BTAF1: variants seen among roughly 807,000 people sequenced by gnomAD.
BTAF1 encodes the protein B-TFIID TATA-box binding protein associated factor 1.
BTAF1 carries 38 observed loss-of-function variants against 227.1 expected under a neutral mutation model. The observed-to-expected ratio is 0.17, with a 90% CI of 0.13 to 0.22. The LOEUF is 0.22. Among genes scored for constraint, BTAF1 ranks in the 10% least tolerant of loss-of-function variants. BTAF1 has a pLI of 1.00. For synonymous variants in BTAF1, 742 were observed against 751.9 expected (o/e 0.99, Z 0.21); for missense variants, 1,598 against 2,204.0 (o/e 0.73, Z 5.51).
chr10:91,953,918 G>C, intron 6 of BTAF1, 45 bp downstream of exon 6: 1 of 1,605,270 alleles, frequency 6.2e-7, no homozygotes, highest in Non-Finnish European at 8.5e-7. Context: ...AGAGGGCTCT[G>C]TGGCTTTAAT....
Position 91,971,620 on chromosome 10 carries a change from C to T in BTAF1, c.1650+4863C>T, listed in dbSNP as rs182054583. On this transcript the variant is annotated intron_variant, in intron 14 of 37. Coordinates refer to ENST00000265990, the MANE Select transcript of BTAF1 (RefSeq NM_003972.3). ...CTGAGTAGCTGGGATTACAGGCATG[C>T]GCCACCACGCCTGACTAATTTTTGT... Among the ~76,000 whole-genome samples, 126 of 151,946 alleles carry T rather than the reference C, an allele frequency of 8.3e-4. 3 individuals carry two copies. In the East Asian group the frequency reaches 0.022, roughly 26 times the overall value.
At chr10:92,006,763 G>A (rs540649515) in intron 25 of BTAF1, among the ~76,000 whole-genome samples, 13 of 152,152 alleles carry the variant, frequency 8.5e-5, no homozygotes, top group Non-Finnish European at 1.9e-4. Flanking sequence ...TACCAAAGTC[G>A]GAATACCCAC....
chr10:91,972,129 C>T (rs1847347020), intron 14 of BTAF1, among the ~76,000 whole-genome samples: 1 of 152,140 alleles, frequency 6.6e-6, no homozygotes, highest in Non-Finnish European at 1.5e-5. Flanking sequence ...TTTGGGGGAC[C>T]ATAGCCTCAG....
At chr10:91,978,671 A>G (rs1554856862) in intron 14 of BTAF1, among the ~76,000 whole-genome samples, 1 of 152,118 alleles carries the variant, frequency 6.6e-6, no homozygotes, top group Non-Finnish European at 1.5e-5. Context: ...TGTGGAGGGC[A>G]GGGGCTGATA....
chr10:91,985,295 T>TTATATATATA (rs36056013), intron 19 of BTAF1, among the ~76,000 whole-genome samples: 1 of 149,094 alleles, frequency 6.7e-6, no homozygotes, highest in Admixed American at 6.6e-5. Context: ...CTAATCTGTG[T>TTATATATATA]TATATATATA....
intron 35 of BTAF1, 114 bp downstream of exon 35, chr10:92,025,081 G>A (rs1462791855): frequency 3.4e-6 from 3 of 872,824 alleles, no homozygotes; most frequent in Non-Finnish European, 5.2e-6. Context: ...TTTTTTAATT[G>A]TGTAATTCAC....
chr10:91,981,476 C>G (rs1398991191), intron 15 of BTAF1, among the ~76,000 whole-genome samples, 167 bp from the exon 16 acceptor site: 1 of 151,464 alleles, frequency 6.6e-6, no homozygotes, highest in African/African-American at 2.4e-5. Flanking sequence ...GTGCACAAAC[C>G]TATTAGAAAA....
chr10:91,984,022 A>T (rs1287891571), intron 18 of BTAF1, among the ~76,000 whole-genome samples, 179 bp from the exon 19 acceptor site: 3 of 152,092 alleles, frequency 2.0e-5, no homozygotes, highest in Non-Finnish European at 4.4e-5. Context: ...TTAAAATTTT[A>T]CAATAATTTG....
chr10:91,991,259 AATATAAATATAAAT>A (rs1279840233), intron 20 of BTAF1, among the ~76,000 whole-genome samples: 4 of 63,088 alleles, frequency 6.3e-5, no homozygotes, highest in African/African-American at 6.8e-5. Context: ...AAAATATATA[AATATAAATATAAAT>A]ATATATATAT....
rs1291832526 is a variant in BTAF1 at position 92,011,327 on chromosome 10, T to C, written c.4223T>C (p.Val1408Ala). The C allele has an allele frequency of 4.0e-6, 6 of 1,495,472 alleles. No individual in the cohort carries two copies. The highest frequency in any genetic ancestry group is 5.3e-6 in the Non-Finnish European group (6 of 1,125,764). The allele number at this position is 1,495,472 out of a possible 1,614,324, so 92.6% of individuals were successfully genotyped here. The change falls in exon 30 of 38, where the codon GTC (valine) becomes GCC (alanine). Residue 1408 changes from valine (V) to alanine (A), a missense_variant. Physicochemically the swap from Val to Ala is moderately conservative, Grantham distance 64 (BLOSUM62 0). Around this residue, in one of 10 missense-constraint regions of BTAF1, gnomAD observed 184 missense variants for 341.1 expected, o/e 0.54. Transcript: ENST00000265990. ...TACTGCATTCTTGATGAAGGCCATG[T>C]CATCAAAAATGGAAAAACAAAGTTG... is the stretch of plus-strand genomic sequence containing the variant. ...FNYCILDEGH[V>A]IKNGKTKLSK...
intron 25 of BTAF1, among the ~76,000 whole-genome samples, chr10:92,006,357 C>T (rs917887616): frequency 1.6e-4 from 25 of 152,172 alleles, no homozygotes; most frequent in African/African-American, 6.0e-4. Flanking sequence ...GTGTTATGTG[C>T]AATATAGAAT....
At chr10:91,945,112 CTCA>C (rs1313742857) in intron 4 of BTAF1, among the ~76,000 whole-genome samples, 4 of 151,802 alleles carry the variant, frequency 2.6e-5, no homozygotes, top group African/African-American at 7.3e-5. Flanking sequence ...TCGGAATGTA[CTCA>C]TCATTAAATG....
chr10:91,967,277 C>G (rs1195953837), intron 14 of BTAF1, among the ~76,000 whole-genome samples: 1 of 152,166 alleles, frequency 6.6e-6, no homozygotes, highest in South Asian at 2.1e-4. Flanking sequence ...CTACAGAGAT[C>G]ATTCAGATAA....
intron 20 of BTAF1, among the ~76,000 whole-genome samples, chr10:91,991,756 G>T (rs1341313738): frequency 7.3e-6 from 1 of 136,748 alleles, no homozygotes; most frequent in Non-Finnish European, 1.6e-5. Context: ...CCCTGTCTCA[G>T]AAAAAAAAAA....
At chr10:91,980,676 G>A in intron 15 of BTAF1, 118 bp downstream of exon 15, 1 of 737,304 alleles carries the variant, frequency 1.4e-6, no homozygotes, top group East Asian at 2.7e-5. Context: ...AAAGTCTGGA[G>A]ATCTGCATAA....
chr10:92,028,460 ACTTT>A (rs1243731265), intron 37 of BTAF1, among the ~76,000 whole-genome samples: 1 of 152,270 alleles, frequency 6.6e-6, no homozygotes, highest in African/African-American at 2.4e-5. Flanking sequence ...GATGTCTACA[ACTTT>A]CTTTCAAATT....
rs769977272 is a variant in BTAF1 at position 91,985,980 on chromosome 10, AGTT to A, written c.2427+1580_2427+1582del. Among the ~76,000 whole-genome samples, 14 of 151,498 alleles carry A rather than the reference AGTT, an allele frequency of 9.2e-5. 1 individual carries two copies. The East Asian group carries it at 2.1e-3, about 23-fold the overall frequency. On this transcript the variant is annotated intron_variant, in intron 19 of 37. Coordinates refer to ENST00000265990, the MANE Select transcript of BTAF1 (RefSeq NM_003972.3). ...AAATTTTGGTGAATTCTAATTTATC[AGTT>A]GTTTTCTTTCATGGCTATTATGTTG... is the stretch of plus-strand genomic sequence containing the variant.
intron 34 of BTAF1, among the ~76,000 whole-genome samples, chr10:92,024,215 C>A (rs1207136977): frequency 6.6e-6 from 1 of 152,148 alleles, no homozygotes; most frequent in African/African-American, 2.4e-5. Flanking sequence ...CTAAATGCTT[C>A]TTTTCTATAA....
rs570012121 is a variant in BTAF1, at chr10:91,959,103, T to C, written c.939T>C (p.Leu313=). The change falls in exon 9 of 38, where the codon CTT becomes CTC. Residue 313 remains leucine, a synonymous_variant. Coordinates refer to ENST00000265990, the MANE Select transcript of BTAF1 (RefSeq NM_003972.3). Reference sequence around the variant, plus strand: ...CAGGCACTGGACTTAGGGAAATTCTTAAAGCTCATGGGAAAAGTGGTGGTA... The same window carrying C: ...CAGGCACTGGACTTAGGGAAATTCTCAAAGCTCATGGGAAAAGTGGTGGTA... ...HGAGTGLREI[L]KAHGKSGGKM... is the part of the protein sequence containing the mutation. The C allele has an allele frequency of 6.2e-7, 1 of 1,614,124 alleles. No homozygotes were observed. The highest frequency in any genetic ancestry group is 1.1e-5 in the South Asian group (1 of 91,082).
Sources: gnomAD v4.1 joint callset for allele counts (sites outside exome capture counted in the v4.1 genomes callset) on GRCh38, gnomAD v4.1.1 for gene constraint, gnomAD v4.1.1 regional missense constraint, MANE v1.5 for transcripts, NCBI Gene and HGNC (gene_info 2026-07-23, HGNC 2026-07-21) for gene names.